Variants in SOX5 observed in about 807,000 individuals in gnomAD.
SOX5 encodes the protein transcription factor SOX-5.
A neutral mutation model predicts 92.0 loss-of-function variants in SOX5; 9 were observed. That is an observed-to-expected ratio of 0.10 (90% CI 0.06 to 0.17). The LOEUF (loss-of-function observed/expected upper bound fraction) is 0.17, where lower values mean the gene tolerates loss of function less well. Ranked by LOEUF, SOX5 falls within the 10% of genes least tolerant of loss-of-function variation. SOX5 has a pLI of 1.00. For synonymous variants in SOX5, 344 were observed against 336.3 expected (o/e 1.02, Z -0.25); for missense variants, 642 against 944.5 (o/e 0.68, Z 4.20).
At chr12:23,752,962 A>G (rs1001138194) in intron 4 of SOX5, among the ~76,000 whole-genome samples, 2 of 151,838 alleles carry the variant, frequency 1.3e-5, no homozygotes, top group Admixed American at 6.6e-5. Flanking sequence ...GTACCAGAGC[A>G]TAAAATGGCA....
At chr12:23,969,063 T>C (rs1947925815) in intron 4 of SOX5, among the ~76,000 whole-genome samples, 1 of 152,208 alleles carries the variant, frequency 6.6e-6, no homozygotes, top group Non-Finnish European at 1.5e-5. Flanking sequence ...TATTCTATCA[T>C]GATAAATGGA....
At chr12:24,450,509 T>TATTG (rs1942138719) in intron 1 of SOX5, among the ~76,000 whole-genome samples, 1 of 150,010 alleles carries the variant, frequency 6.7e-6, no homozygotes, top group Non-Finnish European at 1.5e-5. Context: ...TTTATTTATT[T>TATTG]ATTGAGACAG....
chr12:23,775,319 T>A (rs1394094543), intron 3 of SOX5, among the ~76,000 whole-genome samples: 3 of 152,156 alleles, frequency 2.0e-5, no homozygotes, highest in Non-Finnish European at 4.4e-5. Flanking sequence ...ATTAACATCA[T>A]CTCCTCAGAG....
chr12:23,857,223 G>C (rs1348682971), intron 2 of SOX5, among the ~76,000 whole-genome samples: 1 of 152,082 alleles, frequency 6.6e-6, no homozygotes, highest in Non-Finnish European at 1.5e-5. Flanking sequence ...AGTCAAGTAG[G>C]GTAGTTTACA....
intron 3 of SOX5, among the ~76,000 whole-genome samples, chr12:23,777,594 C>A (rs2141673392): frequency 6.6e-6 from 1 of 151,084 alleles, no homozygotes; most frequent in Non-Finnish European, 1.5e-5. Context: ...CCTTTCTTTG[C>A]ACAGTCTAAC....
intron 7 of SOX5, among the ~76,000 whole-genome samples, chr12:23,645,193 T>C (rs1294560737): frequency 1.3e-5 from 2 of 152,116 alleles, no homozygotes; most frequent in Non-Finnish European, 2.9e-5. Flanking sequence ...GCTTCAATCT[T>C]AAGGGAATAG....
At position 23,619,894 on chromosome 12, in the gene SOX5, G is replaced by T. The variant is rs573334311; in HGVS notation, c.1018-15361C>A. 1.5e-3 allele frequency among the ~76,000 whole-genome samples: 223 copies of T among 152,106 alleles called. 1 individual carries two copies. The highest frequency in any genetic ancestry group is 5.0e-3 in the African/African-American group (208 of 41,512). On this transcript the variant is annotated intron_variant, in intron 8 of 14. Transcript: ENST00000451604. ...TTTTATCATTCATGCTTTTATTCAT[G>T]GAAAAAAATTATAAAATGCCAGTTT...
chr12:23,580,414 A>G (rs992262465), intron 9 of SOX5, among the ~76,000 whole-genome samples: 2 of 152,036 alleles, frequency 1.3e-5, no homozygotes, highest in Non-Finnish European at 2.9e-5. Flanking sequence ...TATTCTATAC[A>G]TTAAAAAGTT....
chr12:24,146,529 T>A lies in SOX5; in HGVS notation c.-2+66814A>T, dbSNP rs545109914. ...ACTTTCAATGTCTATACTATTTTTT[T>A]AAAAATGTCTCAAACCCATGACCTC... On this transcript the variant is annotated intron_variant, in intron 4 of 4. Coordinates refer to the SOX5 transcript ENST00000446891. 3.1e-3 allele frequency among the ~76,000 whole-genome samples: 479 copies of A among 152,110 alleles called. 1 individual carries two copies. Among genetic ancestry groups the A allele is most frequent in the South Asian group, 5.8e-3 (28 of 4,822 alleles).
chr12:24,333,704 C>G (rs1228231747), intron 2 of SOX5, among the ~76,000 whole-genome samples: 1 of 151,934 alleles, frequency 6.6e-6, no homozygotes, highest in Non-Finnish European at 1.5e-5. Context: ...CCTAAAAATA[C>G]ATTATACCAC....
chr12:24,110,619 C>T (rs988254557), intron 4 of SOX5, among the ~76,000 whole-genome samples: 2 of 152,076 alleles, frequency 1.3e-5, no homozygotes, highest in Non-Finnish European at 2.9e-5. Context: ...GGCATGGTGG[C>T]TCACGCCTGT....
chr12:24,406,153 G>C (rs910580831), intron 1 of SOX5, among the ~76,000 whole-genome samples: 3 of 152,194 alleles, frequency 2.0e-5, no homozygotes, highest in African/African-American at 7.2e-5. Flanking sequence ...TGTTTTCCTA[G>C]AGCAGGTGTG....
intron 2 of SOX5, among the ~76,000 whole-genome samples, chr12:23,887,811 C>A (rs1305284601): frequency 6.6e-6 from 1 of 150,626 alleles, no homozygotes; most frequent in Non-Finnish European, 1.5e-5. Flanking sequence ...CTTTTTTATT[C>A]TTCCTGAGTT....
chr12:23,957,022 T>A (rs1458374234), intron 4 of SOX5, among the ~76,000 whole-genome samples: 3 of 152,212 alleles, frequency 2.0e-5, no homozygotes, highest in Admixed American at 2.0e-4. Context: ...CCCTTTCAAT[T>A]ACAAACTTCT....
intron 4 of SOX5, among the ~76,000 whole-genome samples, chr12:23,747,040 T>C (rs2094008580): frequency 6.6e-6 from 1 of 152,124 alleles, no homozygotes; most frequent in South Asian, 2.1e-4. Context: ...TGTAAGTTCA[T>C]TAAATCTCTT....
At chr12:24,422,211 T>C (rs1056840557) in intron 1 of SOX5, among the ~76,000 whole-genome samples, 1 of 152,220 alleles carries the variant, frequency 6.6e-6, no homozygotes, top group South Asian at 2.1e-4. Context: ...GAGTAGTGTC[T>C]CATATTTCAA....
intron 9 of SOX5, among the ~76,000 whole-genome samples, chr12:23,603,000 ATG>A (rs2074708876): frequency 6.6e-6 from 1 of 152,094 alleles, no homozygotes; most frequent in Non-Finnish European, 1.5e-5. Flanking sequence ...CCTACTGTCA[ATG>A]TAGTGTGTAC....
chr12:23,741,068 A>G (rs1357404809), intron 4 of SOX5, 29 bp from the exon 5 acceptor site: 5 of 1,504,248 alleles, frequency 3.3e-6, no homozygotes, highest in Non-Finnish European at 4.5e-6. Context: ...TAAAACAGAC[A>G]AAATAAATGA....
chr12:23,680,585 G>A (rs951091729), intron 6 of SOX5, among the ~76,000 whole-genome samples: 4 of 151,778 alleles, frequency 2.6e-5, no homozygotes, highest in Admixed American at 1.3e-4. Flanking sequence ...ATGGAGGAAG[G>A]CAATATTCTA....
Sources: gnomAD v4.1 joint callset for allele counts (sites outside exome capture counted in the v4.1 genomes callset) on GRCh38, gnomAD v4.1.1 for gene constraint, MANE v1.5 for transcripts, NCBI Gene and HGNC (gene_info 2026-07-23, HGNC 2026-07-21) for gene names.